CYP4F22: variants seen among roughly 807,000 people sequenced by gnomAD.
CYP4F22 encodes cytochrome P450 family 4 subfamily F member 22.
In CYP4F22, 37 loss-of-function variants were observed where a neutral mutation model predicts 60.4. The observed-to-expected ratio is 0.61, with a 90% CI of 0.47 to 0.81. The LOEUF is 0.81. Ranked by LOEUF, CYP4F22 falls within the 30% of genes least tolerant of loss-of-function variation. The probability of loss-of-function intolerance (pLI) is 0.00; values close to 1 mark genes in which losing one functional copy is unlikely to be tolerated. For synonymous variants in CYP4F22, 258 were observed against 280.5 expected (o/e 0.92, Z 0.80); for missense variants, 655 against 715.0 (o/e 0.92, Z 0.96).
At chr19:15,520,116 G>A (rs549965184) in intron 1 of CYP4F22, among the ~76,000 whole-genome samples, 2 of 152,148 alleles carry the variant, frequency 1.3e-5, no homozygotes, top group Non-Finnish European at 2.9e-5. Context: ...AGGCCGAGGC[G>A]AGCAGATCAC....
intron 1 of CYP4F22, among the ~76,000 whole-genome samples, chr19:15,517,125 A>G (rs1971165037): frequency 1.3e-5 from 2 of 151,836 alleles, no homozygotes; most frequent in South Asian, 4.2e-4. Flanking sequence ...CCGACCTCAA[A>G]TGATAATTCT....
At chr19:15,539,525 T>G (rs1170316262) in intron 7 of CYP4F22, among the ~76,000 whole-genome samples, 1 of 152,258 alleles carries the variant, frequency 6.6e-6, no homozygotes, top group Non-Finnish European at 1.5e-5. Flanking sequence ...TGAACATACA[T>G]TTTTAATTCT....
chr19:15,540,699 T>C lies in CYP4F22; in HGVS notation c.921T>C (p.Asp307=). Residue 307 remains aspartate (D), a synonymous_variant, in exon 8 of 14, where the codon GAT becomes GAC. Transcript: ENST00000269703. ...AGGGGAAGACCTTGGACTTTATTGATGTGCTGCTCCTGGCCAGGGTGAGGC... is the reference window on the plus strand; with the variant it reads ...AGGGGAAGACCTTGGACTTTATTGACGTGCTGCTCCTGGCCAGGGTGAGGC... The part of the protein sequence containing the change: ...AKQGKTLDFI[D]VLLLARDEDG... 1 of 1,612,296 alleles carries C rather than the reference T, an allele frequency of 6.2e-7. No individual in the cohort carries two copies. Among genetic ancestry groups the C allele is most frequent in the Non-Finnish European group, 8.5e-7 (1 of 1,179,664 alleles).
chr19:15,518,991 T>C (rs1971189239), intron 1 of CYP4F22, among the ~76,000 whole-genome samples: 1 of 151,882 alleles, frequency 6.6e-6, no homozygotes, highest in Non-Finnish European at 1.5e-5. Context: ...CGGCAACAGA[T>C]TGGATGTGGC....
Position 15,540,433 on chromosome 19 carries a change from C to T in CYP4F22, c.672-17C>T. On this transcript the variant is annotated splice_polypyrimidine_tract_variant and intron_variant, in intron 7 of 13. Coordinates refer to ENST00000269703, the MANE Select transcript of CYP4F22 (RefSeq NM_173483.4). Reference sequence around the variant, plus strand: ...AGGGGAAGGGGCTACACTCATGGATCCCCTTCTCCTTGGCAGGAAGATGAG... The same window carrying T: ...AGGGGAAGGGGCTACACTCATGGATTCCCTTCTCCTTGGCAGGAAGATGAG... The T allele has an allele frequency of 2.5e-6, 4 of 1,614,106 alleles. No homozygotes were observed. The highest frequency in any genetic ancestry group is 3.4e-6 in the Non-Finnish European group (4 of 1,180,038).
At chr19:15,548,292 C>G in intron 11 of CYP4F22, 51 bp downstream of exon 11, 1 of 1,611,510 alleles carries the variant, frequency 6.2e-7, no homozygotes, top group Non-Finnish European at 8.5e-7. Context: ...AATGATGTAG[C>G]TGCTCTATTG....
intron 6 of CYP4F22, 25 bp downstream of exon 6, chr19:15,537,687 G>GA (rs758503533): frequency 6.2e-7 from 1 of 1,609,784 alleles, no homozygotes; most frequent in Non-Finnish European, 8.5e-7. Flanking sequence ...TTTGAGGGAA[G>GA]AGGGTGTCTT....
intron 3 of CYP4F22, among the ~76,000 whole-genome samples, chr19:15,526,520 C>T (rs73512639): frequency 3.3e-5 from 5 of 152,076 alleles, no homozygotes; most frequent in Non-Finnish European, 5.9e-5. Context: ...TCATTCAGTT[C>T]TCTTGACAAT....
At chr19:15,516,970 CA>C (rs1971163033) in intron 1 of CYP4F22, 1 of 187,506 alleles carries the variant, frequency 5.3e-6, no homozygotes, top group South Asian at 1.6e-4. Flanking sequence ...ACTGGGATTA[CA>C]GGCACGCATG....
rs199834906 is a variant in CYP4F22 at position 15,540,441 on chromosome 19, C to T, written c.672-9C>T. 4.0e-4 allele frequency: 638 copies of T among 1,614,148 alleles called. No individual in the cohort carries two copies. The highest frequency in any genetic ancestry group is 4.8e-4 in the Admixed American group (29 of 60,022). The stretch of plus-strand genomic sequence containing the variant: ...GGGCTACACTCATGGATCCCCTTCT[C>T]CTTGGCAGGAAGATGAGTGATTATA... On this transcript the variant is annotated splice_polypyrimidine_tract_variant and intron_variant, in intron 7 of 13. Transcript: ENST00000269703.
intron 6 of CYP4F22, 82 bp downstream of exon 6, chr19:15,537,744 G>A (rs1971414508): frequency 6.2e-7 from 1 of 1,607,188 alleles, no homozygotes; most frequent in East Asian, 2.2e-5. Context: ...GGCAAGCCAT[G>A]TGATGTCAGG....
At chr19:15,529,924 G>T (rs1330779281) in intron 4 of CYP4F22, 71 bp downstream of exon 4, 12 of 1,603,338 alleles carry the variant, frequency 7.5e-6, no homozygotes, top group Non-Finnish European at 1.0e-5. Context: ...TTCTAGGCAG[G>T]TGGGATATCC....
At chr19:15,529,167 C>G (rs1278563923) in intron 3 of CYP4F22, among the ~76,000 whole-genome samples, 1 of 149,668 alleles carries the variant, frequency 6.7e-6, no homozygotes, top group Non-Finnish European at 1.5e-5. Flanking sequence ...TTGCTCTTGT[C>G]GTCCAGGCTG....
intron 1 of CYP4F22, among the ~76,000 whole-genome samples, chr19:15,522,048 G>A (rs1040056856): frequency 6.6e-6 from 1 of 151,682 alleles, no homozygotes; most frequent in African/African-American, 2.4e-5. Context: ...GGTAGGCTGA[G>A]GCATGAGAAT....
intron 4 of CYP4F22, among the ~76,000 whole-genome samples, chr19:15,530,307 C>T (rs1471694427): frequency 2.6e-5 from 4 of 152,202 alleles, no homozygotes; most frequent in Admixed American, 1.3e-4. Flanking sequence ...GTGCAGTCCA[C>T]ACCTATCCCA....
At chr19:15,511,546 G>A (rs887350476) in intron 1 of CYP4F22, among the ~76,000 whole-genome samples, 2 of 152,184 alleles carry the variant, frequency 1.3e-5, no homozygotes, top group African/African-American at 4.8e-5. Flanking sequence ...GCACTTTGGG[G>A]GAATATGTGA....
intron 2 of CYP4F22, among the ~76,000 whole-genome samples, chr19:15,524,704 G>A (rs374117011): frequency 1.1e-4 from 12 of 104,522 alleles, no homozygotes; most frequent in East Asian, 2.2e-4. Context: ...GAAAGAAAGA[G>A]AGAGAGAAAG....
At chr19:15,537,800 C>G in intron 6 of CYP4F22, 72 bp from the exon 7 acceptor site, 1 of 1,611,194 alleles carries the variant, frequency 6.2e-7, no homozygotes, top group Non-Finnish European at 8.5e-7. Context: ...AGTGAAAACG[C>G]AGTCGGGTCC....
intron 10 of CYP4F22, among the ~76,000 whole-genome samples, chr19:15,547,228 T>C (rs992914): frequency 0.12 from 18,264 of 151,740 alleles, 1,478 homozygotes; most frequent in Non-Finnish European, 0.17. Flanking sequence ...TTTTGCTATG[T>C]TGGCCAGACT....
Sources: allele counts gnomAD v4.1 joint callset (sites outside exome capture counted in the v4.1 genomes callset), GRCh38; gene constraint gnomAD v4.1.1; transcripts MANE v1.5; gene names NCBI Gene and HGNC (gene_info 2026-07-23, HGNC 2026-07-21).